Variants in OPRM1 observed in about 807,000 individuals in gnomAD.
The protein encoded by OPRM1 is mu-type opioid receptor.
A neutral mutation model predicts 31.8 loss-of-function variants in OPRM1; 27 were observed. The observed-to-expected ratio is 0.85, with a 90% confidence interval of 0.63 to 1.17. The LOEUF is 1.17. Ranked by LOEUF, OPRM1 falls within the 50% of genes most tolerant of loss-of-function variation. The pLI is 0.00. For missense variants in OPRM1, 536 were observed against 511.1 expected (o/e 1.05, Z -0.47); for synonymous variants, 196 against 189.9 (o/e 1.03, Z -0.26).
At chr6:154,243,866 C>T (rs1231843637) in intron 3 of OPRM1, among the ~76,000 whole-genome samples, 1 of 152,184 alleles carries the variant, frequency 6.6e-6, no homozygotes. Context: ...GTGGAGACAA[C>T]TACTACCTCT....
At chr6:154,198,956 C>T (rs1010944537) in intron 3 of OPRM1, among the ~76,000 whole-genome samples, 4 of 152,112 alleles carry the variant, frequency 2.6e-5, no homozygotes. Flanking sequence ...GAATAGCGCA[C>T]AATCAGAAAA....
chr6:154,020,016 G>T lies in OPRM1; in HGVS notation c.-1+8998G>T, dbSNP rs543868049. Among the ~76,000 whole-genome samples, 3 of 152,144 alleles carry T rather than the reference G, an allele frequency of 2.0e-5. No individual in the cohort carries two copies. The East Asian group carries it at 5.8e-4, about 29-fold the overall frequency. On this transcript the variant is annotated intron_variant, in intron 1 of 5. Transcript: ENST00000434900. ...CCCAAACTGCTGGGATTATAGGTGT[G>T]AGCCACCGCACCCAGCTGATAGCTT...
downstream of OPRM1, among the ~76,000 whole-genome samples, chr6:154,132,499 TA>T (rs1286237138): frequency 1.3e-5 from 2 of 152,180 alleles, no homozygotes; most frequent in Non-Finnish European, 2.9e-5. Context: ...TACTTCAAAA[TA>T]AAGAAGTGAA....
chr6:154,012,419 T>C (rs1019119972), intron 1 of OPRM1, among the ~76,000 whole-genome samples: 1 of 152,122 alleles, frequency 6.6e-6, no homozygotes, highest in Non-Finnish European at 1.5e-5. Context: ...AAGCTGAATA[T>C]ACAAATTTTT....
intron 3 of OPRM1, among the ~76,000 whole-genome samples, chr6:154,153,680 A>C (rs920199752): frequency 6.8e-6 from 1 of 146,270 alleles, no homozygotes; most frequent in South Asian, 2.3e-4. Flanking sequence ...GTGAAACTCT[A>C]TCTCAAAAAA....
At chr6:154,072,407 G>A (rs1172808173) in intron 1 of OPRM1, among the ~76,000 whole-genome samples, 1 of 152,124 alleles carries the variant, frequency 6.6e-6, no homozygotes, top group Non-Finnish European at 1.5e-5. Flanking sequence ...GATTTCATGT[G>A]CAAGAATGCA....
intron 1 of OPRM1, among the ~76,000 whole-genome samples, chr6:154,043,565 A>G (rs1312926341): frequency 1.3e-5 from 2 of 151,824 alleles, no homozygotes; most frequent in African/African-American, 4.8e-5. Context: ...AAATTCACAC[A>G]CACACATACA....
intron 3 of OPRM1, among the ~76,000 whole-genome samples, chr6:154,188,117 T>A (rs994413839): frequency 5.9e-5 from 9 of 152,202 alleles, no homozygotes; most frequent in African/African-American, 2.2e-4. Context: ...CATAAAAAAA[T>A]TTAGGATAAA....
chr6:154,039,884 G>T (rs964790520), intron 1 of OPRM1, 50 bp downstream of exon 1: 2 of 1,490,368 alleles, frequency 1.3e-6, no homozygotes, highest in Admixed American at 4.2e-5. Flanking sequence ...GCTTAAGGGG[G>T]TACAAAGAGA....
At chr6:154,075,797 G>A (rs1245683226) in intron 1 of OPRM1, among the ~76,000 whole-genome samples, 1 of 152,168 alleles carries the variant, frequency 6.6e-6, no homozygotes, top group Non-Finnish European at 1.5e-5. Flanking sequence ...ATCTGTTAGA[G>A]GGAGGAAGGG....
intron 2 of OPRM1, 151 bp downstream of exon 2, chr6:154,090,329 T>A: frequency 1.6e-6 from 1 of 610,348 alleles, no homozygotes; most frequent in South Asian, 2.1e-5. Flanking sequence ...CTTTGAATAC[T>A]TAAAAATAGG....
intron 3 of OPRM1, among the ~76,000 whole-genome samples, chr6:154,118,240 G>A (rs963124697): frequency 8.5e-5 from 13 of 152,090 alleles, no homozygotes; most frequent in Non-Finnish European, 1.6e-4. Context: ...TGAGAATTGG[G>A]TAAAAATAGA....
chr6:154,160,119 T>C, intron 3 of OPRM1: 1 of 1,085,896 alleles, frequency 9.2e-7, no homozygotes, highest in Admixed American at 2.4e-5. Context: ...CCAACTCTTT[T>C]ACAAGTACAC....
At chr6:154,107,897 C>T in intron 3 of OPRM1, 1 of 664,122 alleles carries the variant, frequency 1.5e-6, no homozygotes, top group South Asian at 1.8e-5. Flanking sequence ...TTAAAAATAG[C>T]CTTTGAATTA....
chr6:154,105,683 A>G (rs1370351088), intron 3 of OPRM1, among the ~76,000 whole-genome samples: 8 of 152,246 alleles, frequency 5.3e-5, no homozygotes, highest in African/African-American at 1.9e-4. Context: ...TATAAATAAC[A>G]TACACTAAGT....
chr6:154,125,148 T>C lies in OPRM1; in HGVS notation c.*6427T>C, dbSNP rs977114515. On this transcript the variant is annotated 3_prime_UTR_variant, in exon 4 of 4. Coordinates refer to ENST00000330432, the MANE Select transcript of OPRM1 (RefSeq NM_000914.5). ...ATATTAACCAGAGCAGCCCAAAATA[T>C]TTCAGGGTAAGAATAGATATATTTA... Among the ~76,000 whole-genome samples the C allele has an allele frequency of 6.6e-6, 1 of 152,188 alleles. No homozygotes were observed.
intron 1 of OPRM1, among the ~76,000 whole-genome samples, chr6:154,019,578 A>T (rs1001929863): frequency 1.3e-5 from 2 of 152,000 alleles, no homozygotes; most frequent in African/African-American, 4.8e-5. Context: ...AATCTCTCAC[A>T]ACCATTGACT....
chr6:154,235,339 T>G (rs113009747), intron 3 of OPRM1, among the ~76,000 whole-genome samples: 2 of 152,296 alleles, frequency 1.3e-5, no homozygotes, highest in African/African-American at 4.8e-5. Flanking sequence ...GAGACCAGCC[T>G]GGCCCACATG....
chr6:154,056,543 A>C (rs535372), intron 1 of OPRM1, among the ~76,000 whole-genome samples: 7,178 of 151,708 alleles, frequency 0.047, 320 homozygotes, highest in Admixed American at 0.15. Context: ...CTAACTCAGG[A>C]CAGTAAACTC....
Sources: gnomAD v4.1 joint callset for allele counts (sites outside exome capture counted in the v4.1 genomes callset) on GRCh38, gnomAD v4.1.1 for gene constraint, MANE v1.5 for transcripts, NCBI Gene and HGNC (gene_info 2026-07-23, HGNC 2026-07-21) for gene names.